PRRC2B: variants seen among roughly 807,000 people sequenced by gnomAD.
The protein encoded by PRRC2B is protein PRRC2B.
Under a neutral mutation model 242.3 loss-of-function variants are expected in PRRC2B, and 68 were observed. That is an observed-to-expected ratio of 0.28 (90% CI 0.23 to 0.34). The LOEUF is 0.34. PRRC2B is among the 10% of genes least tolerant of loss of function. The pLI, the probability that PRRC2B is intolerant of heterozygous loss-of-function variation, is 1.00. For synonymous variants in PRRC2B, 1,228 were observed against 1,173.6 expected (o/e 1.05, Z -0.95); for missense variants, 2,835 against 2,954.8 (o/e 0.96, Z 0.94).
At chr9:131,430,449 G>A (rs945438907) in intron 2 of PRRC2B, among the ~76,000 whole-genome samples, 190 bp downstream of exon 2, 6 of 148,458 alleles carry the variant, frequency 4.0e-5, no homozygotes, top group Non-Finnish European at 5.9e-5. Flanking sequence ...GACTCTTTCT[G>A]TAGTGGAATT....
intron 31 of PRRC2B, among the ~76,000 whole-genome samples, chr9:131,495,498 G>A (rs1329573963): frequency 1.3e-5 from 2 of 152,132 alleles, no homozygotes; most frequent in African/African-American, 4.8e-5. Context: ...TGGAGGACCC[G>A]GTGTCTTCCT....
At chr9:131,416,257 T>C in intron 1 of PRRC2B, among the ~76,000 whole-genome samples, 1 of 152,054 alleles carries the variant, frequency 6.6e-6, no homozygotes, top group Admixed American at 6.6e-5. Context: ...TACAGGCGCA[T>C]GCCACCACGC....
At chr9:131,391,664 ACT>A (rs1301775800), upstream of PRRC2B, among the ~76,000 whole-genome samples, 4 of 152,010 alleles carry the variant, frequency 2.6e-5, no homozygotes, top group Non-Finnish European at 4.4e-5. Flanking sequence ...TACCTGAGTG[ACT>A]CTATAGGGAG....
chr9:131,483,519 A>G (rs1423222402), intron 23 of PRRC2B, 74 bp downstream of exon 23: 25 of 1,340,760 alleles, frequency 1.9e-5, no homozygotes, highest in African/African-American at 2.9e-5. Flanking sequence ...GAGACAGCAC[A>G]TGTATTTCAG....
intron 1 of PRRC2B, among the ~76,000 whole-genome samples, chr9:131,428,484 C>T (rs1024165558): frequency 6.6e-6 from 1 of 152,192 alleles, no homozygotes; most frequent in Non-Finnish European, 1.5e-5. Context: ...GCAACTTCTG[C>T]CTCCCGGCTT....
upstream of PRRC2B, among the ~76,000 whole-genome samples, chr9:131,389,189 G>A (rs1015534323): frequency 4.4e-5 from 5 of 113,930 alleles, 1 homozygote; most frequent in African/African-American, 6.7e-5. Context: ...TTTCGCTCTT[G>A]TTGCCCAAGC....
chr9:131,493,625 A>T (rs1394394747), intron 30 of PRRC2B, among the ~76,000 whole-genome samples: 2 of 152,234 alleles, frequency 1.3e-5, no homozygotes, highest in Non-Finnish European at 2.9e-5. Context: ...CTTTGTTTCT[A>T]TGGTGTTTTA....
chr9:131,434,748 C>T (rs72772605), intron 3 of PRRC2B, among the ~76,000 whole-genome samples: 1,534 of 152,206 alleles, frequency 0.01, 24 homozygotes, highest in Non-Finnish European at 0.013. Context: ...GGGTGGCTGC[C>T]CTCCTTGAAT....
At chr9:131,478,013 G>A (rs982657247) in intron 17 of PRRC2B, 64 bp downstream of exon 17, 8 of 1,477,306 alleles carry the variant, frequency 5.4e-6, no homozygotes, top group African/African-American at 2.8e-5. Context: ...TGCAGTCCTC[G>A]GGCCTCCCGA....
In PRRC2B at chr9:131,446,406, A is replaced by G. The variant is rs773300241; in HGVS notation, c.619A>G (p.Thr207Ala). The G allele has an allele frequency of 3.7e-6, 6 of 1,612,788 alleles. No homozygotes were observed. The highest frequency in any genetic ancestry group is 5.1e-6 in the Non-Finnish European group (6 of 1,179,646). The change falls in exon 7 of 32, where the codon ACA (threonine) becomes GCA (alanine). Residue 207 changes from threonine to alanine, a missense_variant. By Grantham distance (58) the Thr-to-Ala change is moderately conservative. Transcript: ENST00000683519. The surrounding 1 kb of genome is among the most constrained non-coding windows in gnomAD (Gnocchi z 4.1). Reference protein sequence around the residue: ...PGPSLRPQNVTSWREGGGRHI... With the variant: ...PGPSLRPQNVASWREGGGRHI... ...TGCCCCCTTTCAATTTCCAGATGTG[A>G]CAAGCTGGAGGGAGGGCGGTGGGCG...
intron 15 of PRRC2B, among the ~76,000 whole-genome samples, 158 bp from the exon 16 acceptor site, chr9:131,474,296 T>G (rs202082222): frequency 1.3e-5 from 2 of 152,344 alleles, no homozygotes; most frequent in East Asian, 3.9e-4. Context: ...TGTTTTTTTT[T>G]GGTTGTTGTT....
At chr9:131,399,996 G>T (rs1181048117) in intron 1 of PRRC2B, among the ~76,000 whole-genome samples, 1 of 152,088 alleles carries the variant, frequency 6.6e-6, no homozygotes, top group African/African-American at 2.4e-5. Context: ...AGGATTGCAG[G>T]TTTGTTCTTC....
chr9:131,400,275 C>T (rs1461419111), intron 1 of PRRC2B, among the ~76,000 whole-genome samples: 4 of 151,700 alleles, frequency 2.6e-5, no homozygotes, highest in East Asian at 3.9e-4. Context: ...TTTGTGGAGA[C>T]GGGGTTTCGC....
chr9:131,404,452 C>T (rs1044172609), intron 1 of PRRC2B, among the ~76,000 whole-genome samples: 3 of 151,966 alleles, frequency 2.0e-5, no homozygotes, highest in South Asian at 2.1e-4. Context: ...GAACTCTTGA[C>T]CTCAGGCGAG....
intron 1 of PRRC2B, among the ~76,000 whole-genome samples, chr9:131,386,054 G>A (rs1342351913): frequency 6.7e-6 from 1 of 150,060 alleles, no homozygotes; most frequent in Non-Finnish European, 1.5e-5. Flanking sequence ...CCTGAACTTG[G>A]GATGTGGTTT....
chr9:131,455,053 C>A, intron 9 of PRRC2B, 23 bp from the exon 10 acceptor site: 1 of 1,585,896 alleles, frequency 6.3e-7, no homozygotes, highest in Non-Finnish European at 8.6e-7. Context: ...TCTCATTCTT[C>A]CTGGGCCCTC....
At chr9:131,460,178 T>C (rs999711353) in intron 11 of PRRC2B, among the ~76,000 whole-genome samples, 2 of 152,150 alleles carry the variant, frequency 1.3e-5, no homozygotes, top group South Asian at 2.1e-4. Context: ...TCCAGGAAAT[T>C]AGCCTTGATA....
rs748891519 is a variant in PRRC2B, at chr9:131,482,738, A to G, written c.5204A>G (p.Lys1735Arg). ...TCAGAACAAGGCTCTGGACAGAGCA[A>G]GGAGCACAGACCAGGACCCATCGGC... ...KDSEQGSGQS[K>R]EHRPGPIGNE... is the part of the protein sequence containing the mutation. The change falls in exon 22 of 32, where the codon AAG becomes AGG. Residue 1735 changes from lysine to arginine, a missense_variant. By Grantham distance (26) the Lys-to-Arg change is conservative (BLOSUM62 2). Around this residue, in one of 7 missense-constraint regions of PRRC2B, gnomAD observed 51 missense variants for 45.1 expected, o/e 1.13. Coordinates refer to ENST00000683519, the MANE Select transcript of PRRC2B (RefSeq NM_013318.4). This position sits in a 1 kb window ranked among gnomAD's most constrained non-coding sequence, Gnocchi z 5.2. The G allele has an allele frequency of 5.6e-6, 9 of 1,605,978 alleles. No individual in the cohort carries two copies. Among genetic ancestry groups the G allele is most frequent in the Non-Finnish European group, 7.6e-6 (9 of 1,176,614 alleles).
intron 1 of PRRC2B, among the ~76,000 whole-genome samples, chr9:131,402,204 C>T (rs1837246213): frequency 6.6e-6 from 1 of 152,226 alleles, no homozygotes; most frequent in Non-Finnish European, 1.5e-5. Flanking sequence ...GATTTGCCTG[C>T]CTCGGCTTCC....
Sources: allele counts gnomAD v4.1 joint callset (sites outside exome capture counted in the v4.1 genomes callset), GRCh38; gene constraint gnomAD v4.1.1; regional missense constraint gnomAD v4.1.1; non-coding constraint Gnocchi (gnomAD v3.1); transcripts MANE v1.5; gene names NCBI Gene and HGNC (gene_info 2026-07-23, HGNC 2026-07-21).